KHDRBS1: variants seen among roughly 807,000 people sequenced by gnomAD.
KHDRBS1 encodes KH RNA binding domain containing, signal transduction associated 1, also known as KH domain-containing, RNA-binding, signal transduction-associated protein 1.
In KHDRBS1, 7 loss-of-function variants were observed where a neutral mutation model predicts 48.4. That is an observed-to-expected ratio of 0.14 (90% CI 0.08 to 0.27). The LOEUF is 0.27. Among genes scored for constraint, KHDRBS1 ranks in the 10% least tolerant of loss-of-function variants. KHDRBS1 has a pLI of 1.00. For synonymous variants in KHDRBS1, 241 were observed against 235.8 expected, an observed-to-expected ratio of 1.02 and a Z score of -0.20; for missense variants, 458 against 601.2, an observed-to-expected ratio of 0.76 and a Z score of 2.49.
downstream of KHDRBS1, among the ~76,000 whole-genome samples, chr1:32,047,542 C>G (rs76624076): frequency 3.7e-3 from 567 of 152,316 alleles, 7 homozygotes; most frequent in African/African-American, 0.013. Context: ...TCATGTGAGC[C>G]TTTGTCACCT....
intron 1 of KHDRBS1, among the ~76,000 whole-genome samples, chr1:32,022,992 A>G (rs781276026): frequency 3.5e-4 from 53 of 152,028 alleles, no homozygotes; most frequent in Admixed American, 7.9e-4. Flanking sequence ...CTTCTCTAAT[A>G]TTAACTTTTT....
chr1:32,042,765 C>T lies in KHDRBS1; in HGVS notation c.*141C>T, dbSNP rs1639304207. The T allele has an allele frequency of 5.0e-6, 3 of 597,974 alleles. No individual in the cohort carries two copies. The South Asian group carries it at 6.0e-5, about 12-fold the overall frequency. The allele number at this position is 597,974 out of a possible 1,614,324, so 37.0% of individuals were successfully genotyped here. On this transcript the variant is annotated 3_prime_UTR_variant, in exon 9 of 9. Transcript: ENST00000327300. ...CTTCGTGGTCCCCTTCTTCTCCCCA[C>T]CTTATTCCATTCTTAACTCTGCATT...
chr1:32,039,746 A>C (rs890352546), intron 8 of KHDRBS1, among the ~76,000 whole-genome samples, 173 bp downstream of exon 8: 1 of 152,148 alleles, frequency 6.6e-6, no homozygotes, highest in Non-Finnish European at 1.5e-5. Context: ...TTTGCGGTAC[A>C]TGGTAGAAAG....
intron 1 of KHDRBS1, among the ~76,000 whole-genome samples, chr1:32,025,136 C>A (rs925763139): frequency 6.6e-6 from 1 of 151,612 alleles, no homozygotes; most frequent in African/African-American, 2.4e-5. Context: ...CATGGTGGCA[C>A]GCGCCTATGG....
intron 3 of KHDRBS1, 57 bp downstream of exon 3, chr1:32,031,697 T>G (rs1388126481): frequency 8.9e-7 from 1 of 1,120,568 alleles, no homozygotes; most frequent in Non-Finnish European, 1.3e-6. Context: ...TTGCCCAGAA[T>G]GCAGTATGGA....
intron 7 of KHDRBS1, among the ~76,000 whole-genome samples, 194 bp downstream of exon 7, chr1:32,038,813 T>C (rs1334200659): frequency 6.6e-6 from 1 of 152,186 alleles, no homozygotes; most frequent in Non-Finnish European, 1.5e-5. Flanking sequence ...TTTAGCTCTC[T>C]CTAGTAGCTG....
chr1:32,031,438 G>A, intron 2 of KHDRBS1, 86 bp from the exon 3 acceptor site: 14 of 788,408 alleles, frequency 1.8e-5, no homozygotes, highest in Non-Finnish European at 2.9e-5. Context: ...CCTTTGCAGG[G>A]TTGTTTAAAA....
At chr1:32,018,226 C>G (rs553840581) in intron 1 of KHDRBS1, among the ~76,000 whole-genome samples, 12 of 151,812 alleles carry the variant, frequency 7.9e-5, no homozygotes, top group African/African-American at 2.9e-4. Flanking sequence ...TTTGGGAGGC[C>G]GAGGCAGGCA....
chr1:32,042,907 C>A lies in KHDRBS1; in HGVS notation c.*283C>A. On this transcript the variant is annotated 3_prime_UTR_variant, in exon 9 of 9. Coordinates refer to ENST00000327300, the MANE Select transcript of KHDRBS1 (RefSeq NM_006559.3). ...TTGTTTAAATATAAACAGAAGTGTA[C>A]CTTTTATAATAAAAAAAAGAAGTTG... is the stretch of plus-strand genomic sequence containing the variant. 5.1e-6 allele frequency: 1 copy of A among 196,394 alleles called. No individual in the cohort carries two copies. Among genetic ancestry groups the A allele is most frequent in the Non-Finnish European group, 1.0e-5 (1 of 98,186 alleles). The allele number at this position is 196,394 out of a possible 1,614,324, so 12.2% of individuals were successfully genotyped here. A position where few individuals can be genotyped will look rare whatever the true frequency, so the allele number is the denominator to read the frequency against.
At chr1:32,057,247 A>C (rs1639489325) in intron 10 of KHDRBS1, among the ~76,000 whole-genome samples, 1 of 152,114 alleles carries the variant, frequency 6.6e-6, no homozygotes, top group African/African-American at 2.4e-5. Flanking sequence ...TATCAATATG[A>C]TGGCTCATTA....
At chr1:32,040,079 G>A (rs1331844466) in intron 8 of KHDRBS1, among the ~76,000 whole-genome samples, 1 of 152,132 alleles carries the variant, frequency 6.6e-6, no homozygotes, top group African/African-American at 2.4e-5. Context: ...AAGGGACCTA[G>A]ATGGCAAGCA....
intron 10 of KHDRBS1, among the ~76,000 whole-genome samples, chr1:32,048,990 T>C (rs1639386193): frequency 6.6e-6 from 1 of 151,780 alleles, no homozygotes; most frequent in Non-Finnish European, 1.5e-5. Flanking sequence ...CTGTATGATT[T>C]CATACAAATG....
intron 1 of KHDRBS1, among the ~76,000 whole-genome samples, chr1:32,014,741 C>A (rs1028398250): frequency 6.6e-6 from 1 of 152,226 alleles, no homozygotes; most frequent in African/African-American, 2.4e-5. Flanking sequence ...GAAGGGAAAC[C>A]CTTTTTGATC....
chr1:32,030,518 G>GTTTCTAAAGCATC, intron 2 of KHDRBS1, 96 bp downstream of exon 2: 1 of 1,048,640 alleles, frequency 9.5e-7, no homozygotes, highest in Non-Finnish European at 1.3e-6. Flanking sequence ...TGATGCTTTA[G>GTTTCTAAAGCATC]AAACTTAAGC....
In KHDRBS1 at chr1:32,037,034, C is replaced by A. The variant is rs775366934; in HGVS notation, c.896C>A (p.Pro299His). The A allele has an allele frequency of 6.8e-6, 11 of 1,613,456 alleles. No homozygotes were observed. The South Asian group carries it at 1.2e-4, about 18-fold the overall frequency. Residue 299 changes from proline (P) to histidine (H), a missense_variant, in exon 5 of 9, where the codon CCT becomes CAT. Pro to His is a moderately conservative substitution (Grantham distance 77). This residue lies in a region of KHDRBS1 where 171 missense variants were observed against 228.7 expected (regional missense o/e 0.75). Transcript: ENST00000327300. Reference sequence around the variant, plus strand: ...CGGGGAGCTGCACCTCCTCCACCACCTGTTCCCAGGTAAAAATAATGGAGA... The same window carrying A: ...CGGGGAGCTGCACCTCCTCCACCACATGTTCCCAGGTAAAAATAATGGAGA... ...RGRGAAPPPP[P>H]VPRGRGVGPP...
intron 10 of KHDRBS1, among the ~76,000 whole-genome samples, chr1:32,056,498 C>T (rs1156271900): frequency 6.6e-6 from 1 of 152,196 alleles, no homozygotes; most frequent in Non-Finnish European, 1.5e-5. Context: ...CTGGTGCCCA[C>T]CTCAGGGTAT....
At chr1:32,038,779 C>T (rs1470033278) in intron 7 of KHDRBS1, among the ~76,000 whole-genome samples, 160 bp downstream of exon 7, 2 of 152,178 alleles carry the variant, frequency 1.3e-5, no homozygotes, top group Non-Finnish European at 2.9e-5. Flanking sequence ...GTCTTGAACT[C>T]TTGAGCTCAA....
At chr1:32,025,777 C>T (rs913040318) in intron 1 of KHDRBS1, among the ~76,000 whole-genome samples, 12 of 133,956 alleles carry the variant, frequency 9.0e-5, no homozygotes, top group South Asian at 2.8e-4. Flanking sequence ...TCTCTCCCTT[C>T]GATACCCAAG....
chr1:32,050,402 G>C (rs1383115018), intron 10 of KHDRBS1, among the ~76,000 whole-genome samples: 2 of 151,972 alleles, frequency 1.3e-5, no homozygotes, highest in African/African-American at 4.8e-5. Flanking sequence ...CAGTTTATCT[G>C]TTTTTTTCTT....
Sources: allele counts gnomAD v4.1 joint callset (sites outside exome capture counted in the v4.1 genomes callset), GRCh38; gene constraint gnomAD v4.1.1; regional missense constraint gnomAD v4.1.1; transcripts MANE v1.5; gene names NCBI Gene and HGNC (gene_info 2026-07-23, HGNC 2026-07-21).